The following RTKN2 variants were observed in gnomAD, a reference collection of about 807,000 sequenced individuals.
The protein encoded by RTKN2 is rhotekin-2.
In RTKN2, 69 loss-of-function variants were observed where a neutral mutation model predicts 71.5. That is an observed-to-expected ratio of 0.96 (90% confidence interval 0.79 to 1.18). RTKN2 has a LOEUF of 1.18. Ranked by LOEUF, RTKN2 falls within the 50% of genes most tolerant of loss-of-function variation. The probability of loss-of-function intolerance (pLI) is 0.00; values close to 1 mark genes in which losing one functional copy is unlikely to be tolerated. For synonymous variants in RTKN2, 236 were observed against 236.5 expected (o/e 1.00, Z 0.02); for missense variants, 724 against 719.7 (o/e 1.01, Z -0.07).
At position 62,262,675 on chromosome 10, in the gene RTKN2, T is replaced by A. The variant is rs144310079; in HGVS notation, c.207A>T (p.Thr69=). Residue 69 remains threonine (T), a synonymous_variant, in exon 2 of 12, where the codon ACA becomes ACT. Transcript: ENST00000373789. ...MVCNARLMAY[T]SELQKLEEQI... is the part of the protein sequence containing the mutation. ...GTTCTTCTAATTTCTGTAGCTCCGA[T>A]GTATAGGCCATTAGTCGAGCATTGC... 2 of 1,612,964 alleles carry A rather than the reference T, an allele frequency of 1.2e-6. No homozygotes were observed. Among genetic ancestry groups the A allele is most frequent in the Non-Finnish European group, 1.7e-6 (2 of 1,179,472 alleles).
rs1443971064 is a variant in RTKN2 at position 62,198,355 on chromosome 10, C to A, written c.1383G>T (p.Gln461His). The change falls in exon 12 of 12, where the codon CAG becomes CAT. Residue 461 changes from glutamine (Q) to histidine (H), a missense_variant. Coordinates refer to ENST00000373789, the MANE Select transcript of RTKN2 (RefSeq NM_145307.4). ...EETNGQFLIG[Q>H]HEESLPPPWA... ...AAGGAGGTGGTAAGGATTCTTCATG[C>A]TGACCAATAAGGAACTGCCCATTTG... 6.2e-7 allele frequency: 1 copy of A among 1,612,594 alleles called. No individual in the cohort carries two copies. Among genetic ancestry groups the A allele is most frequent in the Non-Finnish European group, 8.5e-7 (1 of 1,179,508 alleles).
chr10:62,240,276 A>G (rs1351815143), intron 4 of RTKN2, among the ~76,000 whole-genome samples: 1 of 151,946 alleles, frequency 6.6e-6, no homozygotes, highest in Non-Finnish European at 1.5e-5. Context: ...CAAAACAATA[A>G]AATAGACATG....
chr10:62,196,303 GTGA>G lies in RTKN2; in HGVS notation c.*1602_*1604del, dbSNP rs1278836077. On this transcript the variant is annotated 3_prime_UTR_variant, in exon 12 of 12. Coordinates refer to ENST00000373789, the MANE Select transcript of RTKN2 (RefSeq NM_145307.4). ...TTTACTTTTTAAGGTTTCCATACAT[GTGA>G]TGATCTCTACATGCTATCAAGCAGG... 4.1e-6 allele frequency: 4 copies of G among 983,386 alleles called. No homozygotes were observed. In the African/African-American group the frequency reaches 7.0e-5, roughly 17 times the overall value. The allele number at this position is 983,386 out of a possible 1,614,324, so 60.9% of individuals were successfully genotyped here. A position where few individuals can be genotyped will look rare whatever the true frequency, so the allele number is the denominator to read the frequency against.
Position 62,198,247 on chromosome 10 carries a change from T to C in RTKN2, c.1491A>G (p.Glu497=). 6.2e-7 allele frequency: 1 copy of C among 1,614,064 alleles called. No homozygotes were observed. The change falls in exon 12 of 12, where the codon GAA becomes GAG. Residue 497 remains glutamate (E), a synonymous_variant. Coordinates refer to ENST00000373789, the MANE Select transcript of RTKN2 (RefSeq NM_145307.4). ...GGGGAGCTTGTCTCTTTTTCCCTTT[T>C]TCATCATGTAATGGCTCACTTGCAG... ...LYPASEPLHD[E]KGKKRQAPLP...
At chr10:62,234,353 T>C (rs890478146) in intron 6 of RTKN2, among the ~76,000 whole-genome samples, 3 of 151,934 alleles carry the variant, frequency 2.0e-5, no homozygotes, top group African/African-American at 7.2e-5. Context: ...GGTGAAACCC[T>C]ATCTCTACAA....
chr10:62,206,536 T>C (rs1254219935), intron 9 of RTKN2, among the ~76,000 whole-genome samples: 1 of 152,104 alleles, frequency 6.6e-6, no homozygotes, highest in African/African-American at 2.4e-5. Context: ...GAAAAATGTA[T>C]GTTGTATAAA....
At position 62,198,177 on chromosome 10, in the gene RTKN2, T is replaced by C. The variant is rs780634404; in HGVS notation, c.1561A>G (p.Asn521Asp). Reference protein sequence around the residue: ...KLPFSLKSQSNTDQLVKDNWG... With the variant: ...KLPFSLKSQSDTDQLVKDNWG... ...TTGTCCTTAACCAATTGATCTGTGT[T>C]ACTCTGTGATTTTAAGCTGAATGGA... The change falls in exon 12 of 12, where the codon AAC becomes GAC. Residue 521 changes from asparagine (N) to aspartate (D), a missense_variant. Physicochemically the swap from Asn to Asp is conservative, Grantham distance 23. Coordinates refer to ENST00000373789, the MANE Select transcript of RTKN2 (RefSeq NM_145307.4). The C allele has an allele frequency of 1.2e-6, 2 of 1,614,018 alleles. No homozygotes were observed. Among genetic ancestry groups the C allele is most frequent in the Non-Finnish European group, 1.7e-6 (2 of 1,179,988 alleles).
At chr10:62,209,516 G>A (rs1423292582) in intron 9 of RTKN2, among the ~76,000 whole-genome samples, 3 of 151,882 alleles carry the variant, frequency 2.0e-5, no homozygotes, top group Admixed American at 6.6e-5. Context: ...TGTTACATAG[G>A]TAAACTTGTG....
Position 62,268,800 on chromosome 10 carries a change from C to T in RTKN2, c.-190G>A, listed in dbSNP as rs1426485321. 5.2e-6 allele frequency: 3 copies of T among 580,366 alleles called. No homozygotes were observed. In the East Asian group the frequency reaches 1.0e-4, roughly 19 times the overall value. The allele number at this position is 580,366 out of a possible 1,614,324, so 36.0% of individuals were successfully genotyped here. On this transcript the variant is annotated 5_prime_UTR_variant, in exon 1 of 12. Transcript: ENST00000373789. ...GGCGCGCCTTGCGCTCTGCAGCTCC[C>T]GCCGCCGGAAGTTGCCGAGACCCCA...
chr10:62,238,170 T>A (rs936709493), intron 5 of RTKN2: 1 of 151,974 alleles, frequency 6.6e-6, no homozygotes, highest in African/African-American at 2.4e-5. Context: ...TTTTATAGTT[T>A]ATTATTTGGC....
intron 6 of RTKN2, among the ~76,000 whole-genome samples, chr10:62,235,605 G>T (rs190226327): frequency 1.3e-5 from 2 of 151,822 alleles, no homozygotes; most frequent in East Asian, 3.9e-4. Context: ...TCAAAACTTT[G>T]TTTTATGAAC....
intron 3 of RTKN2, 38 bp from the exon 4 acceptor site, chr10:62,241,233 T>C (rs760623770): frequency 2.2e-6 from 3 of 1,339,914 alleles, no homozygotes; most frequent in Non-Finnish European, 3.2e-6. Flanking sequence ...AGTAATAATT[T>C]TGGTAAGTTT....
downstream of RTKN2, among the ~76,000 whole-genome samples, chr10:62,192,224 G>T (rs1183820096): frequency 6.6e-6 from 1 of 152,104 alleles, no homozygotes; most frequent in Non-Finnish European, 1.5e-5. Flanking sequence ...TCTTGTGTGT[G>T]TTAAGGGGGG....
At chr10:62,262,422 C>T (rs1035969072) in intron 2 of RTKN2, among the ~76,000 whole-genome samples, 2 of 152,128 alleles carry the variant, frequency 1.3e-5, no homozygotes, top group Non-Finnish European at 2.9e-5. Context: ...ACATATTGAA[C>T]ACAACAGCCC....
At chr10:62,260,725 C>A (rs1289249599) in intron 2 of RTKN2, among the ~76,000 whole-genome samples, 1 of 152,132 alleles carries the variant, frequency 6.6e-6, no homozygotes, top group African/African-American at 2.4e-5. Context: ...AAAAGCCACA[C>A]TGCCGAATTT....
At chr10:62,201,285 GTAATA>G (rs1223515165) in intron 10 of RTKN2, among the ~76,000 whole-genome samples, 1 of 152,008 alleles carries the variant, frequency 6.6e-6, no homozygotes, top group Non-Finnish European at 1.5e-5. Context: ...TACTCTCATA[GTAATA>G]TGATAATATA....
chr10:62,266,873 T>C (rs986263129), intron 1 of RTKN2, among the ~76,000 whole-genome samples: 4 of 152,178 alleles, frequency 2.6e-5, no homozygotes, highest in African/African-American at 7.2e-5. Context: ...TTATTCAAGG[T>C]TGCACAACAA....
At chr10:62,186,105 G>C (rs1295523248) in intron 8 of RTKN2, among the ~76,000 whole-genome samples, 5 of 152,214 alleles carry the variant, frequency 3.3e-5, no homozygotes, top group Non-Finnish European at 7.3e-5. Context: ...GTATGGTGTG[G>C]GCCGTGGGAG....
At chr10:62,205,970 T>C (rs898529439) in intron 9 of RTKN2, among the ~76,000 whole-genome samples, 1 of 152,156 alleles carries the variant, frequency 6.6e-6, no homozygotes, top group Non-Finnish European at 1.5e-5. Context: ...ATAAGTACAA[T>C]GTGAGCCACA....
Sources: allele counts gnomAD v4.1 joint callset (sites outside exome capture counted in the v4.1 genomes callset), GRCh38; gene constraint gnomAD v4.1.1; transcripts MANE v1.5; gene names NCBI Gene and HGNC (gene_info 2026-07-23, HGNC 2026-07-21).